Variants in PCNT observed in about 807,000 individuals in gnomAD.
PCNT encodes kendrin.
In PCNT, 319 loss-of-function variants were observed where a neutral mutation model predicts 380.4. The observed-to-expected ratio is 0.84, with a 90% CI of 0.77 to 0.92. The LOEUF is 0.92. Among genes scored for constraint, PCNT ranks in the 40% least tolerant of loss-of-function variants. PCNT has a pLI of 0.00. For missense variants in PCNT, 4,400 were observed against 4,255.3 expected (o/e 1.03, Z -0.95); for synonymous variants, 1,845 against 1,735.2 (o/e 1.06, Z -1.57).
intron 43 of PCNT, 49 bp downstream of exon 43, chr21:46,441,133 G>A: frequency 2.6e-6 from 3 of 1,144,822 alleles, no homozygotes; most frequent in Non-Finnish European, 2.7e-6. Flanking sequence ...GTCTCCGTGA[G>A]TGGGCAGCAC....
At chr21:46,332,397 T>G (rs1314343507) in intron 2 of PCNT, among the ~76,000 whole-genome samples, 1 of 152,216 alleles carries the variant, frequency 6.6e-6, no homozygotes, top group East Asian at 1.9e-4. Context: ...TACACGTAAT[T>G]TACAGAAGTA....
At chr21:46,326,896 C>G (rs938002888) in intron 2 of PCNT, among the ~76,000 whole-genome samples, 1 of 151,502 alleles carries the variant, frequency 6.6e-6, no homozygotes, top group Non-Finnish European at 1.5e-5. Context: ...ACCTGTAATC[C>G]CAGCTACTCG....
chr21:46,409,094 C>CT (rs1182471010), intron 27 of PCNT, among the ~76,000 whole-genome samples: 1 of 150,130 alleles, frequency 6.7e-6, no homozygotes, highest in African/African-American at 2.5e-5. Context: ...CTTTTGAACG[C>CT]TTTTTTTTGA....
intron 15 of PCNT, among the ~76,000 whole-genome samples, chr21:46,377,359 G>T (rs1021473276): frequency 6.6e-6 from 1 of 152,210 alleles, no homozygotes; most frequent in African/African-American, 2.4e-5. Flanking sequence ...TTTCCTGCCT[G>T]CTAAGTAGAT....
Position 46,365,336 on chromosome 21 carries a change from C to CGTGGGGTTCTG in PCNT, c.2610-1248_2610-1247insGTGGGGTTCTG, listed in dbSNP as rs1569204223. Among the ~76,000 whole-genome samples the CGTGGGGTTCTG allele has an allele frequency of 3.9e-4, 38 of 96,890 alleles. 5 individuals are homozygous for CGTGGGGTTCTG. The highest frequency in any genetic ancestry group is 1.0e-3 in the South Asian group (3 of 2,902). 63.6% of individuals were successfully genotyped at this position (96,890 alleles called of 152,430 possible). A position where few individuals can be genotyped will look rare whatever the true frequency, so the allele number is the denominator to read the frequency against. ...ACTGCCATGGGGTTCTATTCACTGC[C>CGTGGGGTTCTG]ATGGGGTTCTATTCACTGCCGTGGG... On this transcript the variant is annotated intron_variant, in intron 14 of 46. Transcript: ENST00000359568.
At chr21:46,442,722 A>T in intron 44 of PCNT, 149 bp downstream of exon 44, 1 of 694,804 alleles carries the variant, frequency 1.4e-6, no homozygotes, top group Admixed American at 2.1e-5. Flanking sequence ...GCAGTCGTCC[A>T]GAGGGAAGGC....
chr21:46,364,342 G>A (rs1056655135), intron 14 of PCNT, among the ~76,000 whole-genome samples: 4 of 151,536 alleles, frequency 2.6e-5, no homozygotes, highest in Non-Finnish European at 5.9e-5. Flanking sequence ...CCACCCCGAA[G>A]CCCCCCGGCC....
chr21:46,443,480 TCA>T (rs761987216), intron 44 of PCNT, among the ~76,000 whole-genome samples: 5 of 152,150 alleles, frequency 3.3e-5, no homozygotes, highest in Non-Finnish European at 7.3e-5. Flanking sequence ...CCCCTCTGAG[TCA>T]CACCTGGTGG....
rs576140751 is a variant in PCNT at position 46,436,372 on chromosome 21, A to C, written c.8996+224A>C. Among the ~76,000 whole-genome samples the C allele has an allele frequency of 6.0e-5, 9 of 150,340 alleles. No individual in the cohort carries two copies. The Admixed American group carries it at 6.0e-4, about 10-fold the overall frequency. On this transcript the variant is annotated intron_variant, in intron 39 of 46. Coordinates refer to ENST00000359568, the MANE Select transcript of PCNT (RefSeq NM_006031.6). ...AATCCTGTGATTCAAAATACGCCTG[A>C]CGTGGGGCTTCCATGTTCCTTTGAG...
At chr21:46,365,973 C>T (rs1168237752) in intron 14 of PCNT, among the ~76,000 whole-genome samples, 1 of 150,946 alleles carries the variant, frequency 6.6e-6, no homozygotes, top group Non-Finnish European at 1.5e-5. Flanking sequence ...TGTTCACTGC[C>T]ATGGGGTTCT....
At chr21:46,393,514 G>A (rs1484602472) in intron 21 of PCNT, among the ~76,000 whole-genome samples, 3 of 151,944 alleles carry the variant, frequency 2.0e-5, no homozygotes, top group South Asian at 2.1e-4. Context: ...GTGTCTTCGC[G>A]CCCAGCCAGC....
At chr21:46,399,498 T>C in intron 24 of PCNT, 92 bp from the exon 25 acceptor site, 3 of 937,796 alleles carry the variant, frequency 3.2e-6, no homozygotes. Context: ...GGCATCTATT[T>C]TGTCTCTGTT....
At chr21:46,424,783 C>G (rs141861158) in intron 32 of PCNT, among the ~76,000 whole-genome samples, 1 of 150,530 alleles carries the variant, frequency 6.6e-6, no homozygotes, top group African/African-American at 2.5e-5. Context: ...CGCACCACCC[C>G]GCTCCCCTCA....
At chr21:46,429,244 G>T (rs922103131) in intron 35 of PCNT, among the ~76,000 whole-genome samples, 1 of 151,720 alleles carries the variant, frequency 6.6e-6, no homozygotes, top group African/African-American at 2.4e-5. Flanking sequence ...CTCGTGAGGG[G>T]CATGGGTGGG....
intron 1 of PCNT, among the ~76,000 whole-genome samples, chr21:46,326,090 A>T (rs192521043): frequency 4.6e-5 from 7 of 152,302 alleles, no homozygotes; most frequent in African/African-American, 1.2e-4. Flanking sequence ...AATTTTTTTT[A>T]AAGTTTTATT....
chr21:46,435,766 T>C (rs2053421556), intron 38 of PCNT, 138 bp from the exon 39 acceptor site: 1 of 878,868 alleles, frequency 1.1e-6, no homozygotes, highest in Non-Finnish European at 1.8e-6. Flanking sequence ...ATGGTCTCAA[T>C]CTCCTGACCT....
At chr21:46,395,783 A>G (rs1025368408) in intron 21 of PCNT, among the ~76,000 whole-genome samples, 1 of 151,674 alleles carries the variant, frequency 6.6e-6, no homozygotes, top group Non-Finnish European at 1.5e-5. Flanking sequence ...TAGAGACTTC[A>G]GGATTCGGCA....
rs150173624 is a variant in PCNT at position 46,437,140 on chromosome 21, G to A, written c.9099+59G>A. On this transcript the variant is annotated intron_variant, in intron 40 of 46. Coordinates refer to ENST00000359568, the MANE Select transcript of PCNT (RefSeq NM_006031.6). Reference sequence around the variant, plus strand: ...GCTCCTCCCCCAGAGGGGCCCTCTCGGCAGCTTTGTGGTTCTTTTTCACGC... The same window carrying A: ...GCTCCTCCCCCAGAGGGGCCCTCTCAGCAGCTTTGTGGTTCTTTTTCACGC... 719 of 1,132,260 alleles carry A rather than the reference G, an allele frequency of 6.4e-4. 5 individuals carry two copies. The East Asian group carries it at 0.016, about 25-fold the overall frequency. 70.1% of individuals were successfully genotyped at this position (1,132,260 alleles called of 1,614,324 possible). A position where few individuals can be genotyped will look rare whatever the true frequency, so the allele number is the denominator to read the frequency against.
At chr21:46,427,475 G>A (rs1393438103) in intron 33 of PCNT, 147 bp from the exon 34 acceptor site, 3 of 825,050 alleles carry the variant, frequency 3.6e-6, no homozygotes, top group Non-Finnish European at 6.0e-6. Flanking sequence ...GTGAGCTCTG[G>A]TGTCTCTTCC....
Sources: allele counts gnomAD v4.1 joint callset (sites outside exome capture counted in the v4.1 genomes callset), GRCh38; gene constraint gnomAD v4.1.1; transcripts MANE v1.5; gene names NCBI Gene and HGNC (gene_info 2026-07-23, HGNC 2026-07-21).